LAD1: variants seen among roughly 807,000 people sequenced by gnomAD.
LAD1 encodes ladinin-1.
Under a neutral mutation model 54.2 loss-of-function variants are expected in LAD1, and 53 were observed. The ratio of observed to expected loss-of-function variants is 0.98; its 90% confidence interval spans 0.78 to 1.23. The LOEUF is 1.23. Among genes scored for constraint, LAD1 ranks in the 50% most tolerant of loss-of-function variants. The pLI, the probability that LAD1 is intolerant of heterozygous loss-of-function variation, is 0.00. For missense variants in LAD1, 637 were observed against 653.3 expected (o/e 0.98, Z 0.27); for synonymous variants, 231 against 257.7 (o/e 0.90, Z 0.99).
intron 3 of LAD1, 72 bp downstream of exon 3, chr1:201,386,263 C>T (rs1662081374): frequency 7.4e-7 from 1 of 1,344,814 alleles, no homozygotes; most frequent in East Asian, 2.8e-5. Context: ...CAGGGACTAC[C>T]TGGGTGGGAC....
At chr1:201,397,637 A>G (rs1303157999) in intron 1 of LAD1, among the ~76,000 whole-genome samples, 1 of 152,156 alleles carries the variant, frequency 6.6e-6, no homozygotes, top group Non-Finnish European at 1.5e-5. Flanking sequence ...CTTCTGAAGA[A>G]GGAGTGTCTG....
chr1:201,390,421 C>A (rs1662178270), intron 1 of LAD1, among the ~76,000 whole-genome samples: 1 of 151,726 alleles, frequency 6.6e-6, no homozygotes, highest in South Asian at 2.1e-4. Context: ...CCTATAATCC[C>A]AGCTACTCGG....
At position 201,387,149 on chromosome 1, in the gene LAD1, G is replaced by T. The variant is rs1229376439; in HGVS notation, c.212C>A (p.Pro71His). 4 of 1,530,840 alleles carry T rather than the reference G, an allele frequency of 2.6e-6. No homozygotes were observed. Among genetic ancestry groups the T allele is most frequent in the Admixed American group, 2.1e-5 (1 of 46,696 alleles). The allele number at this position is 1,530,840 out of a possible 1,614,324, so 94.8% of individuals were successfully genotyped here. A position where few individuals can be genotyped will look rare whatever the true frequency, so the allele number is the denominator to read the frequency against. Reference protein sequence around the residue: ...RLPSVEEAEVPKPLPPASKDE... With the variant: ...RLPSVEEAEVHKPLPPASKDE... Reference sequence around the variant, plus strand: ...TTTGGAGGCTGGGGGCAGTGGCTTGGGCACCTCTGCTTCTTCCACGCTCGG... The same window carrying T: ...TTTGGAGGCTGGGGGCAGTGGCTTGTGCACCTCTGCTTCTTCCACGCTCGG... Residue 71 changes from proline to histidine, a missense_variant, in exon 3 of 10, where the codon CCC becomes CAC. Physicochemically the swap from Pro to His is moderately conservative, Grantham distance 77. Coordinates refer to ENST00000391967, the MANE Select transcript of LAD1 (RefSeq NM_005558.4).
At chr1:201,393,784 G>A (rs1329912243) in intron 1 of LAD1, among the ~76,000 whole-genome samples, 1 of 149,878 alleles carries the variant, frequency 6.7e-6, no homozygotes, top group African/African-American at 2.4e-5. Context: ...GCTAGAGGAG[G>A]ATGTGGGCTC....
At chr1:201,383,434 G>A (rs200780279) in intron 5 of LAD1, 45 bp from the exon 6 acceptor site, 147 of 1,583,220 alleles carry the variant, frequency 9.3e-5, no homozygotes, top group Non-Finnish European at 1.3e-4. Flanking sequence ...GAGACACCCA[G>A]GGAGACCAGG....
chr1:201,393,603 G>A (rs1423603551), intron 1 of LAD1, among the ~76,000 whole-genome samples: 7 of 151,976 alleles, frequency 4.6e-5, no homozygotes, highest in Admixed American at 6.6e-5. Flanking sequence ...AAAATTAGCC[G>A]GGCATGGTGG....
At chr1:201,388,115 C>T (rs549539996) in intron 2 of LAD1, among the ~76,000 whole-genome samples, 2 of 152,118 alleles carry the variant, frequency 1.3e-5, no homozygotes, top group South Asian at 2.1e-4. Context: ...AATTATAGGC[C>T]GGTGCAGCGG....
intron 7 of LAD1, 113 bp from the exon 8 acceptor site, chr1:201,382,852 A>T: frequency 1.0e-6 from 1 of 959,446 alleles, no homozygotes; most frequent in South Asian, 1.5e-5. Flanking sequence ...CATCCAGCAC[A>T]TGCCACATAT....
intron 5 of LAD1, 144 bp downstream of exon 5, chr1:201,384,648 C>G: frequency 1.3e-6 from 1 of 787,806 alleles, no homozygotes; most frequent in East Asian, 2.5e-5. Flanking sequence ...ATCCCCCTGC[C>G]AGATCTGGAG....
At chr1:201,383,492 G>A in intron 5 of LAD1, 103 bp from the exon 6 acceptor site, 1 of 1,103,596 alleles carries the variant, frequency 9.1e-7, no homozygotes, top group Non-Finnish European at 1.4e-6. Flanking sequence ...TTCTCATTGT[G>A]GCCAAGAGAA....
intron 1 of LAD1, among the ~76,000 whole-genome samples, chr1:201,397,529 C>T (rs1021608556): frequency 6.6e-6 from 1 of 152,152 alleles, no homozygotes; most frequent in African/African-American, 2.4e-5. Flanking sequence ...TTTCAAAGTT[C>T]CAGTGCCCCA....
In LAD1 at chr1:201,383,132, T is replaced by C. The variant is rs1661996279; in HGVS notation, c.1328A>G (p.His443Arg). Reference protein sequence around the residue: ...VAPVGVASKRHLFEKELAGQS... With the variant: ...VAPVGVASKRRLFEKELAGQS... ...GCCCGCCAGTTCCTTCTCAAAGAGG[T>C]GGCGCTTGCTGGCTACACCCACAGG... Residue 443 changes from histidine to arginine, a missense_variant, in exon 7 of 10, where the codon CAC becomes CGC. His to Arg is a conservative substitution (Grantham distance 29). Coordinates refer to ENST00000391967, the MANE Select transcript of LAD1 (RefSeq NM_005558.4). The C allele has an allele frequency of 6.2e-7, 1 of 1,610,032 alleles. No individual in the cohort carries two copies. The highest frequency in any genetic ancestry group is 1.4e-5 in the African/African-American group (1 of 73,458).
chr1:201,388,362 G>A (rs757803603), intron 2 of LAD1, among the ~76,000 whole-genome samples: 15 of 142,706 alleles, frequency 1.1e-4, no homozygotes, highest in African/African-American at 1.6e-4. Context: ...CACTCCAGCC[G>A]GGGTGACAGA....
At chr1:201,399,239 C>T (rs1485863964) in intron 1 of LAD1, 30 bp downstream of exon 1, 10 of 1,534,914 alleles carry the variant, frequency 6.5e-6, no homozygotes, top group South Asian at 1.2e-5. Flanking sequence ...CGCCGACCCC[C>T]CGCCCCTCCC....
At chr1:201,396,630 G>T (rs757333037) in intron 1 of LAD1, among the ~76,000 whole-genome samples, 8 of 150,776 alleles carry the variant, frequency 5.3e-5, no homozygotes, top group Non-Finnish European at 7.4e-5. Flanking sequence ...GATGCATTTT[G>T]TGGAACCCTG....
At chr1:201,398,125 C>T (rs1388171613) in intron 1 of LAD1, among the ~76,000 whole-genome samples, 2 of 152,142 alleles carry the variant, frequency 1.3e-5, no homozygotes, top group Admixed American at 6.5e-5. Context: ...AGGCGATGAG[C>T]TGCTATGGAG....
intron 1 of LAD1, 93 bp from the exon 2 acceptor site, chr1:201,389,396 C>A: frequency 7.0e-7 from 1 of 1,438,150 alleles, no homozygotes; most frequent in Non-Finnish European, 9.3e-7. Context: ...AGACCAAATG[C>A]CCTCTAGGCC....
Position 201,386,524 on chromosome 1 carries a change from C to T in LAD1, c.837G>A (p.Pro279=), listed in dbSNP as rs750581545. The change falls in exon 3 of 10, where the codon CCG becomes CCA. Residue 279 remains proline (P), a synonymous_variant. Coordinates refer to ENST00000391967, the MANE Select transcript of LAD1 (RefSeq NM_005558.4). The stretch of plus-strand genomic sequence containing the variant: ...CTGAGGCTGTGGCCCTCTTTGGGGC[C>T]GGCTTAGCATCTGCAGTTGGGCTCT... ...SEKSPTADAK[P]APKRATASEQ... is the part of the protein sequence containing the mutation. The T allele has an allele frequency of 2.0e-5, 32 of 1,599,308 alleles. No individual in the cohort carries two copies. Among genetic ancestry groups the T allele is most frequent in the African/African-American group, 5.4e-5 (4 of 73,960 alleles).
chr1:201,382,546 C>T, intron 8 of LAD1, 107 bp downstream of exon 8: 1 of 957,834 alleles, frequency 1.0e-6, no homozygotes, highest in African/African-American at 1.6e-5. Flanking sequence ...CGAAATGACT[C>T]CTCCTCTCCC....
Sources: allele counts gnomAD v4.1 joint callset (sites outside exome capture counted in the v4.1 genomes callset), GRCh38; gene constraint gnomAD v4.1.1; transcripts MANE v1.5; gene names NCBI Gene and HGNC (gene_info 2026-07-23, HGNC 2026-07-21).